Variants in MGAT4C observed in about 807,000 individuals in gnomAD.
MGAT4C encodes the protein MGAT4 family member C.
Under a neutral mutation model 40.1 loss-of-function variants are expected in MGAT4C, and 19 were observed. The observed-to-expected ratio is 0.47, with a 90% CI of 0.33 to 0.70. The LOEUF is 0.70. Ranked by LOEUF, MGAT4C falls within the 30% of genes least tolerant of loss-of-function variation. The probability of loss-of-function intolerance (pLI) is 0.02; values close to 1 mark genes in which losing one functional copy is unlikely to be tolerated. For synonymous variants in MGAT4C, 181 were observed against 187.1 expected, an observed-to-expected ratio of 0.97 and a Z score of 0.27; for missense variants, 491 against 563.2, an observed-to-expected ratio of 0.87 and a Z score of 1.30.
chr12:85,979,204 C>G lies in MGAT4C; in HGVS notation c.*85G>C. On this transcript the variant is annotated 3_prime_UTR_variant, in exon 5 of 5. Coordinates refer to ENST00000611864, the MANE Select transcript of MGAT4C (RefSeq NM_001351288.2). ...AATGTTTCTTTTAACATATCCCATC[C>G]ATTGCTTTCCCTCCAAAAGACAAAG... The G allele has an allele frequency of 9.6e-7, 1 of 1,036,694 alleles. No homozygotes were observed. The highest frequency in any genetic ancestry group is 2.4e-5 in the East Asian group (1 of 41,250). The allele number at this position is 1,036,694 out of a possible 1,614,324, so 64.2% of individuals were successfully genotyped here. A position where few individuals can be genotyped will look rare whatever the true frequency, so the allele number is the denominator to read the frequency against.
At chr12:86,110,545 T>C (rs900446305) in intron 1 of MGAT4C, among the ~76,000 whole-genome samples, 3 of 150,868 alleles carry the variant, frequency 2.0e-5, no homozygotes, top group Non-Finnish European at 4.4e-5. Context: ...TTAAAGTTCT[T>C]TAATGTCATT....
At chr12:86,349,725 C>G (rs1361257214) in intron 3 of MGAT4C, among the ~76,000 whole-genome samples, 1 of 152,096 alleles carries the variant, frequency 6.6e-6, no homozygotes, top group Non-Finnish European at 1.5e-5. Flanking sequence ...AGATTTCATA[C>G]ATTACTCAGT....
chr12:86,289,512 C>A (rs1470222024), intron 4 of MGAT4C, among the ~76,000 whole-genome samples: 1 of 151,930 alleles, frequency 6.6e-6, no homozygotes, highest in Non-Finnish European at 1.5e-5. Flanking sequence ...GACCATTTAA[C>A]AACATTAATT....
At chr12:86,623,223 A>T (rs1367327138) in intron 2 of MGAT4C, among the ~76,000 whole-genome samples, 2 of 152,122 alleles carry the variant, frequency 1.3e-5, no homozygotes, top group Admixed American at 1.3e-4. Flanking sequence ...GAATATAAAC[A>T]TCATAGATCA....
intron 1 of MGAT4C, among the ~76,000 whole-genome samples, chr12:86,138,967 C>T (rs551773700): frequency 2.6e-5 from 4 of 152,134 alleles, no homozygotes; most frequent in South Asian, 2.1e-4. Flanking sequence ...TGGAAGATCA[C>T]GTGTGAAAGG....
At chr12:86,779,081 A>G (rs931094903) in intron 1 of MGAT4C, among the ~76,000 whole-genome samples, 6 of 151,900 alleles carry the variant, frequency 3.9e-5, no homozygotes, top group Admixed American at 2.6e-4. Flanking sequence ...CAGAAAACGC[A>G]CAGCTGGTAA....
chr12:86,537,379 AAAC>A (rs1443372751), intron 2 of MGAT4C, among the ~76,000 whole-genome samples: 3 of 152,158 alleles, frequency 2.0e-5, no homozygotes, highest in East Asian at 1.9e-4. Context: ...AACAAAAAAA[AAAC>A]AACAGTTAAG....
At chr12:86,553,567 T>C (rs1278378209) in intron 2 of MGAT4C, among the ~76,000 whole-genome samples, 1 of 152,144 alleles carries the variant, frequency 6.6e-6, no homozygotes, top group Non-Finnish European at 1.5e-5. Flanking sequence ...AAACTTGTTC[T>C]ATAATCGTTT....
chr12:86,419,640 A>G (rs1289633648), intron 3 of MGAT4C, among the ~76,000 whole-genome samples: 1 of 152,158 alleles, frequency 6.6e-6, no homozygotes, highest in Non-Finnish European at 1.5e-5. Context: ...GTAAAAATAG[A>G]GCAATGGATA....
intron 2 of MGAT4C, among the ~76,000 whole-genome samples, chr12:86,686,353 G>C (rs1032574256): frequency 6.6e-6 from 1 of 152,020 alleles, no homozygotes. Flanking sequence ...TGATTGCCTG[G>C]GAAGAACTTC....
In MGAT4C at chr12:86,120,389, T is replaced by TCTGAC. The variant is rs1879183588; in HGVS notation, c.-56-70667_-56-70666insGTCAG. The stretch of plus-strand genomic sequence containing the variant: ...CCCAGTCTGACAGCTTTGAAGAGAG[T>TCTGAC]AGTGGTTCTCCCAGCACGCAGCTTG... On this transcript the variant is annotated intron_variant, in intron 1 of 4. Coordinates refer to ENST00000611864, the MANE Select transcript of MGAT4C (RefSeq NM_001351288.2). Among the ~76,000 whole-genome samples, 4 of 151,634 alleles carry TCTGAC rather than the reference T, an allele frequency of 2.6e-5. No individual in the cohort carries two copies. The Middle Eastern group carries it at 0.014, about 519-fold the overall frequency.
chr12:86,396,329 C>A (rs1343338570), intron 3 of MGAT4C, among the ~76,000 whole-genome samples: 1 of 151,874 alleles, frequency 6.6e-6, no homozygotes, highest in Non-Finnish European at 1.5e-5. Context: ...AATGTGAGAA[C>A]CTTAAAAAAT....
intron 3 of MGAT4C, among the ~76,000 whole-genome samples, chr12:86,433,941 T>C (rs993027352): frequency 3.3e-5 from 5 of 152,020 alleles, no homozygotes; most frequent in Non-Finnish European, 5.9e-5. Context: ...GCTACATATT[T>C]CCTCTCCTGG....
chr12:86,281,522 A>G (rs901267559), intron 4 of MGAT4C, among the ~76,000 whole-genome samples: 1 of 151,962 alleles, frequency 6.6e-6, no homozygotes, highest in South Asian at 2.1e-4. Flanking sequence ...ATAAATAATT[A>G]TTGGAAGACT....
intron 1 of MGAT4C, among the ~76,000 whole-genome samples, chr12:86,063,014 AATAG>A (rs1477685742): frequency 2.0e-5 from 3 of 152,128 alleles, no homozygotes; most frequent in Admixed American, 2.0e-4. Context: ...AAATCCAGAA[AATAG>A]ATAGAACACC....
chr12:86,157,877 A>G (rs1885151264), intron 1 of MGAT4C, among the ~76,000 whole-genome samples: 1 of 152,182 alleles, frequency 6.6e-6, no homozygotes, highest in South Asian at 2.1e-4. Flanking sequence ...TGTGGGGATT[A>G]TAATTCCAGA....
chr12:86,402,200 T>C (rs576204325), intron 3 of MGAT4C, among the ~76,000 whole-genome samples: 69 of 152,058 alleles, frequency 4.5e-4, no homozygotes, highest in Non-Finnish European at 8.5e-4. Context: ...ATTCCAGCAC[T>C]TTGGGAGGCC....
At chr12:86,439,995 C>A (rs900497520) in intron 2 of MGAT4C, among the ~76,000 whole-genome samples, 44 of 151,974 alleles carry the variant, frequency 2.9e-4, no homozygotes, top group Non-Finnish European at 5.3e-4. Flanking sequence ...AATTTGTCAG[C>A]AAACAAAAGT....
At chr12:86,108,575 T>C (rs546059160) in intron 1 of MGAT4C, among the ~76,000 whole-genome samples, 9 of 152,250 alleles carry the variant, frequency 5.9e-5, no homozygotes, top group African/African-American at 2.2e-4. Flanking sequence ...TCTCTCCAGA[T>C]AGGAAGAATA....
Sources: allele counts gnomAD v4.1 joint callset (sites outside exome capture counted in the v4.1 genomes callset), GRCh38; gene constraint gnomAD v4.1.1; transcripts MANE v1.5; gene names NCBI Gene and HGNC (gene_info 2026-07-23, HGNC 2026-07-21).